The following ARFIP1 variants were observed in gnomAD, a reference collection of about 807,000 sequenced individuals.
The protein encoded by ARFIP1 is arfaptin-1.
A neutral mutation model predicts 42.5 loss-of-function variants in ARFIP1; 24 were observed. The observed-to-expected ratio is 0.57, with a 90% CI of 0.41 to 0.80. ARFIP1 has a LOEUF of 0.80. ARFIP1 is among the 30% of genes least tolerant of loss of function. ARFIP1 has a pLI of 0.00. For missense variants in ARFIP1, 354 were observed against 434.0 expected (o/e 0.82, Z 1.64); for synonymous variants, 141 against 153.7 (o/e 0.92, Z 0.61).
chr4:152,888,170 C>A lies in ARFIP1; in HGVS notation c.829C>A (p.Leu277Met), dbSNP rs766318867. Residue 277 changes from leucine to methionine, a missense_variant, in exon 8 of 9, where the codon CTG becomes ATG. Physicochemically the swap from Leu to Met is conservative, Grantham distance 15. Coordinates refer to ENST00000353617, the MANE Select transcript of ARFIP1 (RefSeq NM_001025595.3). ...TGCATATCGCACTGATTTGGAAGAA[C>A]TGAATCTTGGACCACGTGACGCAAA... ...YDAYRTDLEELNLGPRDANTL... is the reference protein window; with the variant it reads ...YDAYRTDLEEMNLGPRDANTL... The A allele has an allele frequency of 2.5e-6, 4 of 1,611,140 alleles. No individual in the cohort carries two copies. The highest frequency in any genetic ancestry group is 1.3e-5 in the African/African-American group (1 of 74,768).
Position 152,911,423 on chromosome 4 carries a change from G to T in ARFIP1, c.*1204G>T, listed in dbSNP as rs1738837488. 1 of 152,348 alleles carries T rather than the reference G, an allele frequency of 6.6e-6. No homozygotes were observed. Among genetic ancestry groups the T allele is most frequent in the Admixed American group, 6.5e-5 (1 of 15,274 alleles). The allele number at this position is 152,348 out of a possible 1,614,324, so 9.4% of individuals were successfully genotyped here. On this transcript the variant is annotated 3_prime_UTR_variant, in exon 9 of 9. Transcript: ENST00000353617. The stretch of plus-strand genomic sequence containing the variant: ...GTGTGGTGGTACCAGGAAGAAAGAG[G>T]ATTGGAAAGGCCAGTACTGTTTTAG...
intron 3 of ARFIP1, among the ~76,000 whole-genome samples, chr4:152,864,691 A>G (rs990475713): frequency 1.3e-5 from 2 of 152,202 alleles, no homozygotes; most frequent in African/African-American, 4.8e-5. Flanking sequence ...CATAAGCCAC[A>G]TTGCAGGTAA....
intron 8 of ARFIP1, among the ~76,000 whole-genome samples, chr4:152,908,457 A>AAAATT: frequency 6.6e-6 from 1 of 152,114 alleles, no homozygotes; most frequent in Non-Finnish European, 1.5e-5. Flanking sequence ...TAAAATACAA[A>AAAATT]AAATTATCCA....
At chr4:152,882,216 G>T (rs1302646296) in intron 6 of ARFIP1, among the ~76,000 whole-genome samples, 3 of 152,140 alleles carry the variant, frequency 2.0e-5, no homozygotes, top group African/African-American at 7.2e-5. Flanking sequence ...ATAGAGCTGA[G>T]CTTGGGAGTC....
chr4:152,877,829 C>T (rs747315084), intron 5 of ARFIP1, among the ~76,000 whole-genome samples: 19 of 152,050 alleles, frequency 1.2e-4, no homozygotes, highest in Non-Finnish European at 1.9e-4. Context: ...CAGGGGTTTC[C>T]GATTTTGCTT....
At chr4:152,783,933 A>G (rs769712875) in intron 1 of ARFIP1, among the ~76,000 whole-genome samples, 3 of 152,128 alleles carry the variant, frequency 2.0e-5, no homozygotes, top group Non-Finnish European at 2.9e-5. Context: ...TAATAAGCAG[A>G]TGGTGTGTGT....
At chr4:152,881,270 G>A in intron 6 of ARFIP1, 86 bp downstream of exon 6, 1 of 1,056,262 alleles carries the variant, frequency 9.5e-7, no homozygotes, top group Non-Finnish European at 1.4e-6. Context: ...GTGATTTGCT[G>A]AACTCTTAAT....
chr4:152,858,328 T>C (rs924974008), intron 2 of ARFIP1, among the ~76,000 whole-genome samples: 1 of 152,112 alleles, frequency 6.6e-6, no homozygotes, highest in African/African-American at 2.4e-5. Flanking sequence ...AAATAATTTA[T>C]GTTCCATAGC....
intron 2 of ARFIP1, among the ~76,000 whole-genome samples, chr4:152,835,815 C>T (rs1325808974): frequency 1.3e-5 from 2 of 152,270 alleles, no homozygotes; most frequent in South Asian, 2.1e-4. Flanking sequence ...GTAAAGGAAG[C>T]GTGGTACCAA....
At chr4:152,863,517 A>G (rs1280027396) in intron 2 of ARFIP1, 89 bp from the exon 3 acceptor site, 3 of 726,794 alleles carry the variant, frequency 4.1e-6, no homozygotes, top group South Asian at 1.7e-5. Context: ...ATAATCTAAG[A>G]TTTGATTAAA....
chr4:152,813,530 AT>A (rs1337527147), intron 1 of ARFIP1, among the ~76,000 whole-genome samples: 1 of 151,718 alleles, frequency 6.6e-6, no homozygotes, highest in African/African-American at 2.4e-5. Flanking sequence ...TTTGAATTCC[AT>A]TTTTATTTTT....
At chr4:152,807,874 T>C (rs1729110758) in intron 1 of ARFIP1, among the ~76,000 whole-genome samples, 1 of 152,220 alleles carries the variant, frequency 6.6e-6, no homozygotes, top group African/African-American at 2.4e-5. Context: ...ATAACCACTG[T>C]TCTGCCTATA....
Position 152,804,227 on chromosome 4 carries a change from C to CATGTATTATATATAATATATAATATAAT in ARFIP1, c.-10+24028_-10+24029insTATGTATTATATATAATATATAATATAA, listed in dbSNP as rs1728736830. On this transcript the variant is annotated intron_variant, in intron 1 of 8. Transcript: ENST00000353617. ...GTATTATATATTATATATAATATAACATGTATTATATATAATATATAATAT... is the reference window on the plus strand; with the variant it reads ...GTATTATATATTATATATAATATAACATGTATTATATATAATATATAATATAATATGTATTATATATAATATATAATAT... Among the ~76,000 whole-genome samples, 18 of 21,002 alleles carry CATGTATTATATATAATATATAATATAAT rather than the reference C, an allele frequency of 8.6e-4. 2 individuals carry two copies. The highest frequency in any genetic ancestry group is 2.2e-3 in the African/African-American group (15 of 6,732). The allele number at this position is 21,002 out of a possible 152,430, so 13.8% of individuals were successfully genotyped here. A position where few individuals can be genotyped will look rare whatever the true frequency, so the allele number is the denominator to read the frequency against.
At chr4:152,884,977 C>T (rs1027053229) in intron 7 of ARFIP1, among the ~76,000 whole-genome samples, 3 of 152,044 alleles carry the variant, frequency 2.0e-5, no homozygotes, top group African/African-American at 7.2e-5. Context: ...TAAAAAACAA[C>T]AACAGTAATG....
intron 1 of ARFIP1, chr4:152,796,105 AT>A (rs773575649): frequency 4.1e-4 from 303 of 747,076 alleles, no homozygotes; most frequent in Non-Finnish European, 6.7e-4. Flanking sequence ...CATTTTCAGG[AT>A]TGTTGATAAC....
chr4:152,860,677 G>A (rs1733818094), intron 2 of ARFIP1, among the ~76,000 whole-genome samples: 1 of 152,146 alleles, frequency 6.6e-6, no homozygotes, highest in Admixed American at 6.5e-5. Context: ...ACAGGATAAA[G>A]GAGCCATTCC....
At chr4:152,841,007 A>C (rs1261749822) in intron 2 of ARFIP1, among the ~76,000 whole-genome samples, 1 of 150,834 alleles carries the variant, frequency 6.6e-6, no homozygotes, top group Non-Finnish European at 1.5e-5. Flanking sequence ...GTCGTGAGCC[A>C]CTGCACCCAG....
At chr4:152,800,313 C>T (rs1214170753) in intron 1 of ARFIP1, among the ~76,000 whole-genome samples, 1 of 152,120 alleles carries the variant, frequency 6.6e-6, no homozygotes. Flanking sequence ...AAGTGTCAGG[C>T]GTTGTATTAG....
intron 6 of ARFIP1, 49 bp downstream of exon 6, chr4:152,881,233 A>T (rs1294006328): frequency 1.5e-6 from 2 of 1,362,284 alleles, no homozygotes; most frequent in South Asian, 2.5e-5. Flanking sequence ...ATGATAATAG[A>T]AGTATTCTAA....
Sources: allele counts gnomAD v4.1 joint callset (sites outside exome capture counted in the v4.1 genomes callset), GRCh38; gene constraint gnomAD v4.1.1; transcripts MANE v1.5; gene names NCBI Gene and HGNC (gene_info 2026-07-23, HGNC 2026-07-21).